PHTF2: variants seen among roughly 807,000 people sequenced by gnomAD.
The protein encoded by PHTF2 is protein PHTF2.
A neutral mutation model predicts 101.2 loss-of-function variants in PHTF2; 60 were observed. The observed-to-expected ratio is 0.59, with a 90% confidence interval of 0.48 to 0.73. The LOEUF is 0.73. Ranked by LOEUF, PHTF2 falls within the 30% of genes least tolerant of loss-of-function variation. The pLI, the probability that PHTF2 is intolerant of heterozygous loss-of-function variation, is 0.00. For synonymous variants in PHTF2, 311 were observed against 307.3 expected (o/e 1.01, Z -0.13); for missense variants, 747 against 908.7 (o/e 0.82, Z 2.29).
At chr7:77,947,829 T>TC (rs1376887254) in intron 16 of PHTF2, among the ~76,000 whole-genome samples, 3 of 116,844 alleles carry the variant, frequency 2.6e-5, no homozygotes, top group African/African-American at 1.1e-4. Flanking sequence ...CTTTTTTCTT[T>TC]TTTCTTTCTT....
chr7:77,895,794 A>C (rs1362979145), intron 5 of PHTF2: 3 of 152,184 alleles, frequency 2.0e-5, no homozygotes, highest in African/African-American at 4.8e-5. Flanking sequence ...TAGGACCTAC[A>C]ACTTCTTTCT....
intron 2 of PHTF2, among the ~76,000 whole-genome samples, chr7:77,854,007 T>C (rs572702698): frequency 6.6e-6 from 1 of 152,328 alleles, no homozygotes; most frequent in Admixed American, 6.5e-5. Flanking sequence ...TGGGTGTTCA[T>C]TGATGTTTGG....
intron 1 of PHTF2, among the ~76,000 whole-genome samples, chr7:77,810,927 G>T (rs1793390665): frequency 6.6e-6 from 1 of 151,946 alleles, no homozygotes; most frequent in African/African-American, 2.4e-5. Flanking sequence ...TTTTGGGATA[G>T]AGTTTTGCTC....
At chr7:77,800,317 G>C (rs1208574399) in intron 1 of PHTF2, among the ~76,000 whole-genome samples, 1 of 152,210 alleles carries the variant, frequency 6.6e-6, no homozygotes, top group Non-Finnish European at 1.5e-5. Context: ...CGGAGAATGA[G>C]CCATGTCTGG....
chr7:77,929,313 G>A (rs1562959457), exon 12 of PHTF2: 3 of 1,591,794 alleles, frequency 1.9e-6, no homozygotes, highest in Non-Finnish European at 2.6e-6. Context: ...ATATAGAGAT[G>A]ACCCTTTTCA....
rs1798382553 is a variant in PHTF2 at position 77,869,910 on chromosome 7, A to G, written c.147+15076A>G. On this transcript the variant is annotated intron_variant, in intron 3 of 19. Coordinates refer to ENST00000416283, the Ensembl canonical transcript of PHTF2. ...CTTCTTTTGAGAAATATCTATGGCG[A>G]TCTTTTACCCATATATTTGAATTGG... is the stretch of plus-strand genomic sequence containing the variant. Among the ~76,000 whole-genome samples, 3 of 152,052 alleles carry G rather than the reference A, an allele frequency of 2.0e-5. No homozygotes were observed. The South Asian group carries it at 6.2e-4, about 32-fold the overall frequency.
At chr7:77,931,043 A>C (rs1232978280) in intron 12 of PHTF2, among the ~76,000 whole-genome samples, 38 of 152,336 alleles carry the variant, frequency 2.5e-4, no homozygotes, top group Admixed American at 2.5e-3. Context: ...CTAATACATG[A>C]CAATAAGTGG....
intron 1 of PHTF2, among the ~76,000 whole-genome samples, chr7:77,817,687 C>T (rs779898896): frequency 1.1e-4 from 17 of 152,158 alleles, no homozygotes; most frequent in Non-Finnish European, 1.6e-4. Flanking sequence ...CAGAGCCAAA[C>T]CATATCAATT....
chr7:77,946,958 C>CAAA (rs113457897), intron 16 of PHTF2, among the ~76,000 whole-genome samples: 9 of 66,428 alleles, frequency 1.4e-4, no homozygotes, highest in South Asian at 4.6e-4. Context: ...CTGGTCTCTA[C>CAAA]AAAAAAAAAA....
chr7:77,857,858 G>A (rs999127435), intron 3 of PHTF2, among the ~76,000 whole-genome samples: 2 of 152,124 alleles, frequency 1.3e-5, no homozygotes. Context: ...ATTGTTACAT[G>A]GGTCAGCTGT....
chr7:77,803,230 G>C (rs540752200), intron 1 of PHTF2, among the ~76,000 whole-genome samples: 232 of 152,230 alleles, frequency 1.5e-3, no homozygotes, highest in African/African-American at 5.5e-3. Flanking sequence ...GATTAAATTT[G>C]ACATTTAATG....
intron 2 of PHTF2, among the ~76,000 whole-genome samples, chr7:77,850,820 G>A (rs1562874214): frequency 6.6e-6 from 1 of 151,960 alleles, no homozygotes; most frequent in African/African-American, 2.4e-5. Context: ...CTTTTATTGT[G>A]TTGAGGTATG....
intron 16 of PHTF2, among the ~76,000 whole-genome samples, chr7:77,944,884 T>G (rs568001963): frequency 8.5e-5 from 13 of 152,334 alleles, no homozygotes; most frequent in African/African-American, 3.1e-4. Flanking sequence ...CACTGACTTT[T>G]AAAACACAAT....
chr7:77,853,398 A>ATT (rs201777573), intron 2 of PHTF2, among the ~76,000 whole-genome samples: 1 of 146,140 alleles, frequency 6.8e-6, no homozygotes, highest in African/African-American at 2.5e-5. Flanking sequence ...CAGCTCTGGA[A>ATT]TTTTTTTTTT....
At chr7:77,854,850 C>A (rs1426890411) in intron 3 of PHTF2, 3 of 754,990 alleles carry the variant, frequency 4.0e-6, no homozygotes, top group Non-Finnish European at 7.3e-6. Flanking sequence ...TAATGCCAGG[C>A]CTGTTCTCTC....
intron 2 of PHTF2, among the ~76,000 whole-genome samples, chr7:77,847,809 C>G (rs1562870665): frequency 6.6e-6 from 1 of 152,150 alleles, no homozygotes; most frequent in East Asian, 1.9e-4. Flanking sequence ...CTTATTCATT[C>G]TATCTAACTG....
intron 1 of PHTF2, among the ~76,000 whole-genome samples, chr7:77,825,827 G>A (rs1175313316): frequency 1.3e-5 from 2 of 152,130 alleles, no homozygotes; most frequent in Non-Finnish European, 2.9e-5. Context: ...AAAAAAAATA[G>A]CATGGCAACT....
At chr7:77,842,508 A>G (rs1795971198) in intron 2 of PHTF2, among the ~76,000 whole-genome samples, 1 of 152,174 alleles carries the variant, frequency 6.6e-6, no homozygotes, top group African/African-American at 2.4e-5. Flanking sequence ...ATTTTATTGA[A>G]GAAATACATG....
rs1554397992 is a variant in PHTF2, at chr7:77,954,637, T to TATATATAG, written c.2338-214_2338-213insGATATATA. Among the ~76,000 whole-genome samples the TATATATAG allele has an allele frequency of 9.3e-4, 135 of 144,592 alleles. No homozygotes were observed. The Middle Eastern group carries it at 0.019, about 20-fold the overall frequency. The allele number at this position is 144,592 out of a possible 152,430, so 94.9% of individuals were successfully genotyped here. A position where few individuals can be genotyped will look rare whatever the true frequency, so the allele number is the denominator to read the frequency against. On this transcript the variant is annotated intron_variant, in intron 19 of 19. Coordinates refer to ENST00000416283, the Ensembl canonical transcript of PHTF2. ...GTATATATATATATATATATATATATATATATATAGCCACTTCTCAAGAGA... is the reference window on the plus strand; with the variant it reads ...GTATATATATATATATATATATATATATATATAGATATATATAGCCACTTCTCAAGAGA...
Sources: allele counts gnomAD v4.1 joint callset (sites outside exome capture counted in the v4.1 genomes callset), GRCh38; gene constraint gnomAD v4.1.1; transcripts MANE v1.5; gene names NCBI Gene and HGNC (gene_info 2026-07-23, HGNC 2026-07-21).